INTS15: variants seen among roughly 807,000 people sequenced by gnomAD.
INTS15 encodes the protein uncharacterized protein C7orf26.
chr7:6,597,080 A>G, the INTS15 span, among the ~76,000 whole-genome samples: 3 of 152,164 alleles, frequency 2.0e-5, no homozygotes, highest in African/African-American at 2.4e-5. Flanking sequence ...TGCCAGCTGC[A>G]TATGCTAATT....
the INTS15 span, among the ~76,000 whole-genome samples, chr7:6,591,051 C>T: frequency 1.7e-4 from 26 of 151,806 alleles, no homozygotes; most frequent in African/African-American, 5.8e-4. Context: ...GTTACCCAGG[C>T]TGGTCTCAAA....
At chr7:6,592,603 TTTTTTC>T in the INTS15 span, among the ~76,000 whole-genome samples, 1 of 151,912 alleles carries the variant, frequency 6.6e-6, no homozygotes, top group Non-Finnish European at 1.5e-5. Flanking sequence ...GGGTGTGTTT[TTTTTTC>T]TTTTTCTTTT....
the INTS15 span, chr7:6,590,444 AGGT>A: frequency 6.3e-7 from 1 of 1,597,552 alleles, no homozygotes; most frequent in Non-Finnish European, 8.5e-7. Flanking sequence ...TTCGTGTTCC[AGGT>A]GCCCAAGGAG....
At chr7:6,608,076 A>AACCCCC in the INTS15 span, 1 of 1,143,484 alleles carries the variant, frequency 8.7e-7, no homozygotes, top group Non-Finnish European at 1.2e-6. Flanking sequence ...GTCCCGGCCC[A>AACCCCC]CCCCGCCGCC....
chr7:6,593,940 C>T, the INTS15 span, among the ~76,000 whole-genome samples: 2,331 of 151,044 alleles, frequency 0.015, 26 homozygotes, highest in Non-Finnish European at 0.025. Flanking sequence ...CATGAGCCGC[C>T]GTGCCCAGCC....
At chr7:6,594,801 A>G in the INTS15 span, among the ~76,000 whole-genome samples, 1 of 150,096 alleles carries the variant, frequency 6.7e-6, no homozygotes, top group East Asian at 2.0e-4. Context: ...GCTCACTGTA[A>G]CCTCCCCCTC....
At chr7:6,600,364 C>T in the INTS15 span, 1 of 1,603,758 alleles carries the variant, frequency 6.2e-7, no homozygotes, top group South Asian at 1.1e-5. Context: ...GAGGTGGGTG[C>T]CTCCCTGGCC....
the INTS15 span, among the ~76,000 whole-genome samples, chr7:6,606,590 G>GC: frequency 1.3e-5 from 2 of 152,122 alleles, no homozygotes; most frequent in African/African-American, 2.4e-5. Flanking sequence ...AGAGGGGCGG[G>GC]CAGAGCCCCT....
chr7:6,603,963 G>A, the INTS15 span, among the ~76,000 whole-genome samples: 2 of 151,920 alleles, frequency 1.3e-5, no homozygotes, highest in African/African-American at 2.4e-5. Flanking sequence ...GGTCGCAACT[G>A]TACTACCTGG....
chr7:6,603,618 C>G, the INTS15 span, among the ~76,000 whole-genome samples: 2 of 152,046 alleles, frequency 1.3e-5, no homozygotes, highest in South Asian at 4.1e-4. Flanking sequence ...GTGGGCGGAT[C>G]ACCTGAGGTC....
chr7:6,602,590 A>G, the INTS15 span: 1 of 437,472 alleles, frequency 2.3e-6, no homozygotes, highest in Non-Finnish European at 4.9e-6. Flanking sequence ...ACACTTGGGA[A>G]GTCTCTTGAC....
chr7:6,595,238 T>TCCA, the INTS15 span, among the ~76,000 whole-genome samples: 1 of 152,086 alleles, frequency 6.6e-6, no homozygotes, highest in Non-Finnish European at 1.5e-5. Flanking sequence ...CGCCATGTTG[T>TCCA]CCAGGTTGGT....
chr7:6,594,551 C>A, the INTS15 span: 1 of 1,614,150 alleles, frequency 6.2e-7, no homozygotes, highest in Non-Finnish European at 8.5e-7. Flanking sequence ...GCCCGAGATT[C>A]TGCTGCCAGT....
the INTS15 span, chr7:6,607,745 C>T: frequency 6.7e-7 from 1 of 1,498,640 alleles, no homozygotes; most frequent in Non-Finnish European, 8.9e-7. The surrounding 1 kb of genome is among the most constrained non-coding windows in gnomAD (Gnocchi z 6.0). Context: ...CCGTGGGCCA[C>T]AGGCCCCGTG....
chr7:6,606,147 C>T, the INTS15 span, among the ~76,000 whole-genome samples: 1 of 152,226 alleles, frequency 6.6e-6, no homozygotes, highest in Non-Finnish European at 1.5e-5. Flanking sequence ...TCTGCAGTAC[C>T]TCCTCCTTGG....
chr7:6,599,788 G>C, the INTS15 span: 2 of 1,585,862 alleles, frequency 1.3e-6, no homozygotes, highest in East Asian at 2.2e-5. Flanking sequence ...CCCTGTCCTC[G>C]AGGCCAAGAG....
At chr7:6,599,733 G>T in the INTS15 span, 4 of 1,228,346 alleles carry the variant, frequency 3.3e-6, no homozygotes, top group South Asian at 1.4e-5. Flanking sequence ...CAGGTGGGCA[G>T]TGCCATGGGC....
chr7:6,595,121 C>T, the INTS15 span, among the ~76,000 whole-genome samples: 2 of 151,616 alleles, frequency 1.3e-5, no homozygotes, highest in Non-Finnish European at 2.9e-5. Context: ...AGTCTCTGCC[C>T]CCAAGGCTCA....
chr7:6,603,626 G>GT, the INTS15 span, among the ~76,000 whole-genome samples: 5 of 151,684 alleles, frequency 3.3e-5, no homozygotes, highest in Non-Finnish European at 7.4e-5. Context: ...ATCACCTGAG[G>GT]TCAGGAGTTT....
Sources: gnomAD v4.1 joint callset for allele counts (sites outside exome capture counted in the v4.1 genomes callset) on GRCh38, gnomAD v4.1.1 for gene constraint, Gnocchi (gnomAD v3.1) non-coding constraint, MANE v1.5 for transcripts, NCBI Gene and HGNC (gene_info 2026-07-23, HGNC 2026-07-21) for gene names.